The following KCNMB2 variants were observed in gnomAD, a reference collection of about 807,000 sequenced individuals.
The protein encoded by KCNMB2 is potassium calcium-activated channel subfamily M regulatory beta subunit 2, also known as calcium-activated potassium channel subunit beta-2.
KCNMB2 carries 9 observed loss-of-function variants against 24.5 expected under a neutral mutation model. The observed-to-expected ratio is 0.37, with a 90% confidence interval of 0.22 to 0.64. The LOEUF (loss-of-function observed/expected upper bound fraction) is 0.64. Among genes scored for constraint, KCNMB2 ranks in the 30% least tolerant of loss-of-function variants. The pLI is 0.63. For missense variants in KCNMB2, 226 were observed against 284.3 expected, an observed-to-expected ratio of 0.79 and a Z score of 1.47; for synonymous variants, 109 against 104.4, an observed-to-expected ratio of 1.04 and a Z score of -0.27.
chr3:178,844,040 T>C lies in KCNMB2; in HGVS notation c.*1103T>C, dbSNP rs1368253981. Reference sequence around the variant, plus strand: ...TATTTTATACACAGAATAGATCTTTTTTCTAACACATATTTGAACTGAATA... The same window carrying C: ...TATTTTATACACAGAATAGATCTTTCTTCTAACACATATTTGAACTGAATA... On this transcript the variant is annotated 3_prime_UTR_variant, in exon 5 of 5. Transcript: ENST00000452583. 2 of 152,580 alleles carry C rather than the reference T, an allele frequency of 1.3e-5. No homozygotes were observed. Among genetic ancestry groups the C allele is most frequent in the Non-Finnish European group, 2.9e-5 (2 of 67,992 alleles). The allele number at this position is 152,580 out of a possible 1,614,324, so 9.5% of individuals were successfully genotyped here.
intron 1 of KCNMB2, among the ~76,000 whole-genome samples, chr3:178,593,425 G>T (rs1020876610): frequency 6.6e-6 from 1 of 151,964 alleles, no homozygotes; most frequent in Non-Finnish European, 1.5e-5. Flanking sequence ...TCTAGCCAGA[G>T]AATACTGCAT....
At chr3:178,560,777 T>C (rs1716289529) in intron 1 of KCNMB2, among the ~76,000 whole-genome samples, 1 of 152,248 alleles carries the variant, frequency 6.6e-6, no homozygotes, top group South Asian at 2.1e-4. Flanking sequence ...TCAGAATTTT[T>C]GAAATAACTA....
chr3:178,741,522 C>A (rs1322753944), intron 1 of KCNMB2, among the ~76,000 whole-genome samples: 1 of 152,186 alleles, frequency 6.6e-6, no homozygotes, highest in Non-Finnish European at 1.5e-5. Flanking sequence ...TTAACTGAAT[C>A]TGTCTTACCA....
intron 1 of KCNMB2, among the ~76,000 whole-genome samples, chr3:178,654,202 T>C (rs1404799078): frequency 6.6e-6 from 1 of 152,192 alleles, no homozygotes; most frequent in African/African-American, 2.4e-5. Context: ...TATTTCATTC[T>C]GGGTTTTATG....
intron 1 of KCNMB2, among the ~76,000 whole-genome samples, chr3:178,689,448 A>T (rs1286373122): frequency 6.6e-6 from 1 of 152,100 alleles, no homozygotes; most frequent in African/African-American, 2.4e-5. Flanking sequence ...ATCCTGGCTA[A>T]CAAGGTGAAA....
chr3:178,541,299 C>G (rs1453057684), intron 1 of KCNMB2, among the ~76,000 whole-genome samples: 5 of 152,130 alleles, frequency 3.3e-5, no homozygotes, highest in Admixed American at 3.3e-4. Context: ...TCACAGATCT[C>G]CTATACAAAT....
intron 1 of KCNMB2, among the ~76,000 whole-genome samples, chr3:178,666,052 A>G (rs1188832311): frequency 6.6e-6 from 1 of 152,152 alleles, no homozygotes; most frequent in African/African-American, 2.4e-5. Context: ...CTACTTGTCT[A>G]TTCAATGTAG....
chr3:178,624,095 C>T (rs1334535621), intron 1 of KCNMB2, among the ~76,000 whole-genome samples: 2 of 152,124 alleles, frequency 1.3e-5, no homozygotes, highest in African/African-American at 4.8e-5. Flanking sequence ...GTTAGCTAAC[C>T]CAAGGCCCCT....
chr3:178,637,989 T>G (rs1246598572), intron 1 of KCNMB2, among the ~76,000 whole-genome samples: 1 of 152,180 alleles, frequency 6.6e-6, no homozygotes, highest in Admixed American at 6.6e-5. Flanking sequence ...ACTAAACTCC[T>G]TTCTGTTCCT....
At chr3:178,707,640 G>A (rs1023049508) in intron 1 of KCNMB2, among the ~76,000 whole-genome samples, 1 of 152,120 alleles carries the variant, frequency 6.6e-6, no homozygotes, top group East Asian at 1.9e-4. Flanking sequence ...GAATCTCTGG[G>A]AGGAGAACCC....
At chr3:178,577,792 A>G (rs914277921) in intron 1 of KCNMB2, among the ~76,000 whole-genome samples, 1 of 152,234 alleles carries the variant, frequency 6.6e-6, no homozygotes, top group African/African-American at 2.4e-5. Context: ...TTGAAGATCA[A>G]CTTGATGAAA....
intron 4 of KCNMB2, among the ~76,000 whole-genome samples, chr3:178,832,188 A>G (rs887662007): frequency 3.9e-5 from 6 of 152,070 alleles, no homozygotes; most frequent in Non-Finnish European, 8.8e-5. Context: ...ATTTGTCTGA[A>G]AGCATTTTTC....
At chr3:178,660,564 C>T (rs2108570257) in intron 1 of KCNMB2, among the ~76,000 whole-genome samples, 1 of 152,278 alleles carries the variant, frequency 6.6e-6, no homozygotes, top group South Asian at 2.1e-4. Flanking sequence ...CTTTGCTTAG[C>T]CCATGCCCTG....
At chr3:178,634,381 G>C (rs1719436636) in intron 1 of KCNMB2, among the ~76,000 whole-genome samples, 1 of 152,162 alleles carries the variant, frequency 6.6e-6, no homozygotes, top group Non-Finnish European at 1.5e-5. Flanking sequence ...AGTTCAGCAT[G>C]ACCAGGGAGG....
intron 1 of KCNMB2, among the ~76,000 whole-genome samples, chr3:178,557,532 A>T (rs1716166698): frequency 6.6e-6 from 1 of 152,214 alleles, no homozygotes; most frequent in Non-Finnish European, 1.5e-5. Flanking sequence ...TTCCACAGAG[A>T]TAAACAAGGT....
At chr3:178,805,372 C>T (rs376946081) in intron 1 of KCNMB2, among the ~76,000 whole-genome samples, 5 of 152,302 alleles carry the variant, frequency 3.3e-5, no homozygotes, top group African/African-American at 1.2e-4. Context: ...ATCTTAGAAG[C>T]CAACAGTTTC....
chr3:178,687,643 T>C (rs971827268), intron 1 of KCNMB2, among the ~76,000 whole-genome samples: 1 of 152,178 alleles, frequency 6.6e-6, no homozygotes, highest in Admixed American at 6.5e-5. Flanking sequence ...AAAGTTTGAA[T>C]GCAGAACCTC....
intron 1 of KCNMB2, among the ~76,000 whole-genome samples, chr3:178,699,767 C>T (rs1254548755): frequency 6.6e-6 from 1 of 152,200 alleles, no homozygotes; most frequent in African/African-American, 2.4e-5. Context: ...TGACCGTGCT[C>T]CACTACAGAC....
intron 1 of KCNMB2, among the ~76,000 whole-genome samples, chr3:178,677,739 G>A (rs1721118149): frequency 6.6e-6 from 1 of 152,160 alleles, no homozygotes; most frequent in Non-Finnish European, 1.5e-5. Context: ...TGATAGGCTG[G>A]GAAGCATAGC....
Sources: allele counts gnomAD v4.1 joint callset (sites outside exome capture counted in the v4.1 genomes callset), GRCh38; gene constraint gnomAD v4.1.1; transcripts MANE v1.5; gene names NCBI Gene and HGNC (gene_info 2026-07-23, HGNC 2026-07-21).